The following PLEKHG6 variants were observed in gnomAD, a reference collection of about 807,000 sequenced individuals.
The protein encoded by PLEKHG6 is pleckstrin homology and RhoGEF domain containing G6.
PLEKHG6 carries 91 observed loss-of-function variants against 97.5 expected under a neutral mutation model. That is an observed-to-expected ratio of 0.93 (90% CI 0.79 to 1.11). PLEKHG6 has a LOEUF of 1.11. PLEKHG6 is among the 50% of genes most tolerant of loss of function. The pLI, the probability that PLEKHG6 is intolerant of heterozygous loss-of-function variation, is 0.00. For synonymous variants in PLEKHG6, 466 were observed against 425.5 expected (o/e 1.10, Z -1.17); for missense variants, 1,044 against 1,031.0 (o/e 1.01, Z -0.17).
intron 13 of PLEKHG6, among the ~76,000 whole-genome samples, chr12:6,325,515 C>A (rs1292650236): frequency 1.3e-5 from 2 of 152,184 alleles, no homozygotes; most frequent in African/African-American, 4.8e-5. Flanking sequence ...AGGGAGAAGG[C>A]AGATAATATA....
intron 13 of PLEKHG6, among the ~76,000 whole-genome samples, chr12:6,324,263 C>G (rs1470579704): frequency 2.8e-5 from 4 of 145,368 alleles, no homozygotes; most frequent in Admixed American, 6.9e-5. Flanking sequence ...GACCCCCTAC[C>G]CCGTACTCGG....
intron 1 of PLEKHG6, 81 bp from the exon 2 acceptor site, chr12:6,312,078 C>T (rs1947288706): frequency 3.3e-6 from 2 of 600,944 alleles, no homozygotes; most frequent in South Asian, 6.1e-5. Flanking sequence ...CCCTCCCAGG[C>T]CCCCTACCAG....
At chr12:6,324,661 G>A (rs1947810294) in intron 13 of PLEKHG6, among the ~76,000 whole-genome samples, 1 of 152,146 alleles carries the variant, frequency 6.6e-6, no homozygotes, top group African/African-American at 2.4e-5. Context: ...CACATCTTAT[G>A]AGAATGCTGT....
intron 3 of PLEKHG6, among the ~76,000 whole-genome samples, chr12:6,314,147 C>T (rs901673868): frequency 6.6e-6 from 1 of 152,222 alleles, no homozygotes; most frequent in Non-Finnish European, 1.5e-5. Context: ...TCCCAAGCCA[C>T]ATCCAGATGG....
intron 1 of PLEKHG6, 26 bp downstream of exon 1, chr12:6,310,874 C>A (rs1947234117): frequency 6.5e-6 from 1 of 152,790 alleles, no homozygotes; most frequent in East Asian, 1.9e-4. Context: ...GCTACGCGGC[C>A]CGGGGGCGGG....
At chr12:6,321,654 A>G (rs1022863815) in intron 13 of PLEKHG6, among the ~76,000 whole-genome samples, 2 of 151,844 alleles carry the variant, frequency 1.3e-5, no homozygotes, top group Non-Finnish European at 2.9e-5. Context: ...GTGAAACCCC[A>G]TCTCTACTAA....
rs1345750735 is a variant in PLEKHG6, at chr12:6,316,905, AC to A, written c.757-393del. 6.6e-6 allele frequency among the ~76,000 whole-genome samples: 1 copy of A among 151,808 alleles called. No individual in the cohort carries two copies. Among genetic ancestry groups the A allele is most frequent in the African/African-American group, 2.4e-5 (1 of 41,312 alleles). On this transcript the variant is annotated intron_variant, in intron 7 of 15. Transcript: ENST00000684764. The surrounding 1 kb of genome is among the most constrained non-coding windows in gnomAD (Gnocchi z 4.1). ...CGTACTGCCCCTGGGAGCCTTAGGT[AC>A]CCCCTCCATAGGAGCAAGGCTTCTG...
chr12:6,319,839 G>A (rs903228340), intron 13 of PLEKHG6: 4 of 181,418 alleles, frequency 2.2e-5, no homozygotes, highest in African/African-American at 9.5e-5. Flanking sequence ...GCCTGGTTGA[G>A]TAATTAGTAT....
intron 2 of PLEKHG6, chr12:6,313,303 C>A: frequency 1.9e-6 from 2 of 1,037,020 alleles, no homozygotes; most frequent in Non-Finnish European, 1.5e-6. Flanking sequence ...GTACGGAGAG[C>A]AGGAGGCAGT....
At chr12:6,321,625 T>G (rs1592031911) in intron 13 of PLEKHG6, among the ~76,000 whole-genome samples, 1 of 149,606 alleles carries the variant, frequency 6.7e-6, no homozygotes, top group African/African-American at 2.5e-5. Flanking sequence ...GATCACGAGG[T>G]CAGGAGATTG....
intron 13 of PLEKHG6, among the ~76,000 whole-genome samples, chr12:6,320,731 C>G (rs1311955550): frequency 6.6e-6 from 1 of 152,176 alleles, no homozygotes; most frequent in Admixed American, 6.5e-5. Context: ...ATATATCTAT[C>G]TTTTGGGGGG....
chr12:6,315,483 C>A lies in PLEKHG6; in HGVS notation c.460-71C>A. 6.0e-6 allele frequency: 6 copies of A among 993,144 alleles called. No individual in the cohort carries two copies. The highest frequency in any genetic ancestry group is 1.6e-5 in the South Asian group (1 of 62,848). 61.5% of individuals were successfully genotyped at this position (993,144 alleles called of 1,614,324 possible). On this transcript the variant is annotated intron_variant, in intron 4 of 15. Coordinates refer to ENST00000684764, the MANE Select transcript of PLEKHG6 (RefSeq NM_001384598.1). The surrounding 1 kb of genome is among the most constrained non-coding windows in gnomAD (Gnocchi z 4.5). ...CTAGAACCTATGAAGTGGATCCGGTCGCACTTAACAGCTGGTACTTGCCAT... is the reference window on the plus strand; with the variant it reads ...CTAGAACCTATGAAGTGGATCCGGTAGCACTTAACAGCTGGTACTTGCCAT...
Position 6,313,772 on chromosome 12 carries a change from C to A in PLEKHG6, c.282C>A (p.Ser94=). 1 of 1,584,044 alleles carries A rather than the reference C, an allele frequency of 6.3e-7. No homozygotes were observed. The highest frequency in any genetic ancestry group is 8.6e-7 in the Non-Finnish European group (1 of 1,165,400). The change falls in exon 3 of 16, where the codon TCC becomes TCA. Residue 94 remains serine (S), a synonymous_variant. Coordinates refer to ENST00000684764, the MANE Select transcript of PLEKHG6 (RefSeq NM_001384598.1). ...GGHVGAGLLH[S]PKLKELTKAH... ...ATGTGGGGGCTGGCCTGCTTCACTC[C>A]CCCAAACTCAAGGTAAGGGGGTCCC... is the stretch of plus-strand genomic sequence containing the variant.
intron 13 of PLEKHG6, among the ~76,000 whole-genome samples, chr12:6,325,360 T>C (rs1432069258): frequency 6.6e-6 from 1 of 152,198 alleles, no homozygotes; most frequent in Non-Finnish European, 1.5e-5. Flanking sequence ...AGGTTTCTTG[T>C]CTGTAAAATG....
chr12:6,325,459 G>A (rs12298980), intron 13 of PLEKHG6, among the ~76,000 whole-genome samples: 61,040 of 152,080 alleles, frequency 0.4, 13,209 homozygotes, highest in Non-Finnish European at 0.49. Context: ...TTTTTCTCAG[G>A]TGGCGCTATT....
At chr12:6,311,545 T>C (rs2136708990) in intron 1 of PLEKHG6, among the ~76,000 whole-genome samples, 1 of 152,328 alleles carries the variant, frequency 6.6e-6, no homozygotes, top group East Asian at 1.9e-4. Context: ...CAGAAGAGGA[T>C]GGATTCCAAC....
intron 3 of PLEKHG6, 96 bp from the exon 4 acceptor site, chr12:6,314,909 C>T (rs780024625): frequency 2.8e-5 from 34 of 1,198,052 alleles, no homozygotes; most frequent in Non-Finnish European, 4.1e-5. Context: ...CACGCACACA[C>T]TTTAACACAC....
intron 13 of PLEKHG6, chr12:6,319,693 A>AT: frequency 1.3e-6 from 2 of 1,528,828 alleles, no homozygotes; most frequent in Non-Finnish European, 8.7e-7. Context: ...GCCTGAAATG[A>AT]TTAACTTCTA....
chr12:6,318,659 C>G (rs549205004), intron 11 of PLEKHG6, 86 bp from the exon 12 acceptor site: 2 of 1,442,424 alleles, frequency 1.4e-6, no homozygotes, highest in African/African-American at 2.8e-5. Context: ...TGTGTGCCTG[C>G]GCACCATGCC....
Sources: allele counts gnomAD v4.1 joint callset (sites outside exome capture counted in the v4.1 genomes callset), GRCh38; gene constraint gnomAD v4.1.1; non-coding constraint Gnocchi (gnomAD v3.1); transcripts MANE v1.5; gene names NCBI Gene and HGNC (gene_info 2026-07-23, HGNC 2026-07-21).